SMTN: variants seen among roughly 807,000 people sequenced by gnomAD.
SMTN encodes the protein smoothelin.
In SMTN, 58 loss-of-function variants were observed where a neutral mutation model predicts 102.0. The ratio of observed to expected loss-of-function variants is 0.57; its 90% CI spans 0.46 to 0.71. SMTN has a LOEUF of 0.71. Ranked by LOEUF, SMTN falls within the 30% of genes least tolerant of loss-of-function variation. The pLI is 0.00. For missense variants in SMTN, 1,185 were observed against 1,241.7 expected (o/e 0.95, Z 0.69); for synonymous variants, 478 against 497.9 (o/e 0.96, Z 0.53).
chr22:31,091,693 G>A lies in SMTN; in HGVS notation c.1478G>A (p.Arg493Gln), dbSNP rs143097953. 1.1e-3 allele frequency: 1,824 copies of A among 1,598,686 alleles called. 14 individuals carry two copies. Among genetic ancestry groups the A allele is most frequent in the Middle Eastern group, 7.5e-3 (45 of 5,992 alleles). The change falls in exon 11 of 21, where the codon CGG becomes CAG. Residue 493 changes from arginine (R) to glutamine (Q), a missense_variant. Arg to Gln is a conservative substitution (Grantham distance 43). Transcript: ENST00000333137. Reference sequence around the variant, plus strand: ...CACTCAGAACTGACACTGGGGCTGCGGGCGCCCCCGACCCTACTCAGCACC... The same window carrying A: ...CACTCAGAACTGACACTGGGGCTGCAGGCGCCCCCGACCCTACTCAGCACC... The part of the protein sequence containing the change: ...NQRAELTLGL[R>Q]APPTLLSTSS...
chr22:31,078,176 C>A (rs2042175848), upstream of SMTN, among the ~76,000 whole-genome samples: 1 of 152,234 alleles, frequency 6.6e-6, no homozygotes, highest in Non-Finnish European at 1.5e-5. Context: ...AGAGGGCCAA[C>A]CCTTACCTAG....
rs765995428 is a variant in SMTN at position 31,091,172 on chromosome 22, TC to T, written c.1150del (p.Arg384GlyfsTer17). On this transcript the variant is annotated frameshift_variant, in exon 10 of 21. Coordinates refer to ENST00000333137, the MANE Select transcript of SMTN (RefSeq NM_134269.3). LOFTEE classifies it high-confidence loss of function. Reference protein sequence around the residue: ...PASSSSGSSSRGPSDTSSRFS... With the variant: ...PASSSSGSSSXGPSDTSSRFS... ...CCTCCTCCTCCAGCGGCTCCTCCTC[TC>T]GGGGCCCCAGTGATACCTCCTCCCG... The T allele has an allele frequency of 6.2e-7, 1 of 1,613,190 alleles. No individual in the cohort carries two copies. The highest frequency in any genetic ancestry group is 2.2e-5 in the East Asian group (1 of 44,828).
At chr22:31,069,216 G>T in intron 1 of SMTN, among the ~76,000 whole-genome samples, 1 of 152,056 alleles carries the variant, frequency 6.6e-6, no homozygotes, top group Admixed American at 6.6e-5. Flanking sequence ...GATCCTTATT[G>T]GTCCTTGGTG....
At chr22:31,094,388 T>C (rs1003994493) in intron 11 of SMTN, among the ~76,000 whole-genome samples, 3 of 152,178 alleles carry the variant, frequency 2.0e-5, no homozygotes, top group Non-Finnish European at 4.4e-5. Flanking sequence ...AGACACCTGG[T>C]CAGGAGCCTA....
Position 31,098,804 on chromosome 22 carries a change from C to A in SMTN, c.2297C>A (p.Ala766Asp). 6.2e-7 allele frequency: 1 copy of A among 1,612,422 alleles called. No homozygotes were observed. The highest frequency in any genetic ancestry group is 1.1e-5 in the South Asian group (1 of 90,976). Reference protein sequence around the residue: ...PKTSASQARKAMIEKLEKEGA... With the variant: ...PKTSASQARKDMIEKLEKEGA... ...ACCTCAGCCTCCCAGGCGCGCAAGG[C>A]CATGATTGAGAAGCTGGAGAAGGAG... Residue 766 changes from alanine to aspartate, a missense_variant, in exon 17 of 21, where the codon GCC (alanine) becomes GAC (aspartate). Coordinates refer to ENST00000333137, the MANE Select transcript of SMTN (RefSeq NM_134269.3).
intron 1 of SMTN, chr22:31,066,746 ATTTTG>A (rs2041859245): frequency 1.3e-5 from 2 of 151,878 alleles, no homozygotes; most frequent in East Asian, 3.9e-4. Context: ...AATTTTTTTT[ATTTTG>A]TTTTATTTTA....
In SMTN at chr22:31,095,257, C is replaced by T; in HGVS notation, c.1633-46C>T. On this transcript the variant is annotated intron_variant, in intron 11 of 20. Coordinates refer to ENST00000333137, the MANE Select transcript of SMTN (RefSeq NM_134269.3). This position sits in a 1 kb window ranked among gnomAD's most constrained non-coding sequence, Gnocchi z 4.1. Reference sequence around the variant, plus strand: ...TATCCATTGGAGACATGATGAGTTTCACCCATACCCCTGCTTAAAGTCCAT... The same window carrying T: ...TATCCATTGGAGACATGATGAGTTTTACCCATACCCCTGCTTAAAGTCCAT... 6.3e-7 allele frequency: 1 copy of T among 1,596,602 alleles called. No individual in the cohort carries two copies. Among genetic ancestry groups the T allele is most frequent in the South Asian group, 1.1e-5 (1 of 90,184 alleles).
rs191776923 is a variant in SMTN, at chr22:31,071,644, A to C, written c.-386+7457A>C. Among the ~76,000 whole-genome samples, 23 of 152,130 alleles carry C rather than the reference A, an allele frequency of 1.5e-4. No homozygotes were observed. In the East Asian group the frequency reaches 4.4e-3, roughly 29 times the overall value. On this transcript the variant is annotated intron_variant, in intron 1 of 3. Transcript: ENST00000422839. ...AAAATTAAAAACTTAATTAATTAAA[A>C]AAAATTCAACTGGGGAAATAGTTCT...
chr22:31,083,960 C>A (rs915146036), intron 2 of SMTN, among the ~76,000 whole-genome samples: 6 of 152,338 alleles, frequency 3.9e-5, no homozygotes, highest in Admixed American at 3.9e-4. Context: ...TCTCATTTTT[C>A]TACTCTTGAG....
chr22:31,085,598 C>T (rs979354711), intron 2 of SMTN, among the ~76,000 whole-genome samples: 1 of 152,238 alleles, frequency 6.6e-6, no homozygotes, highest in African/African-American at 2.4e-5. Flanking sequence ...TTTCGGAAAC[C>T]GCCCCATCCC....
At chr22:31,094,574 TGCCTTCAGCTCAGATCCCA>T (rs1282452261) in intron 11 of SMTN, among the ~76,000 whole-genome samples, 4 of 151,778 alleles carry the variant, frequency 2.6e-5, no homozygotes, top group African/African-American at 9.7e-5. Context: ...GGAGTTAGGC[TGCCTTCAGCTCAGATCCCA>T]GGCTGCATCA....
At chr22:31,075,112 G>A (rs977389642) in intron 1 of SMTN, among the ~76,000 whole-genome samples, 10 of 152,144 alleles carry the variant, frequency 6.6e-5, no homozygotes, top group Non-Finnish European at 1.2e-4. Context: ...CAGAAGCTAA[G>A]GTCTTAGCCT....
Position 31,095,682 on chromosome 22 carries a change from C to T in SMTN, c.1861+73C>T. 7.5e-7 allele frequency: 1 copy of T among 1,328,522 alleles called. No homozygotes were observed. The highest frequency in any genetic ancestry group is 1.1e-6 in the Non-Finnish European group (1 of 952,018). The allele number at this position is 1,328,522 out of a possible 1,614,324, so 82.3% of individuals were successfully genotyped here. ...GCTGCTCCCCTCATACTCTGGGGTC[C>T]ATTTGTGGACACCCCAGCTTAATAA... On this transcript the variant is annotated intron_variant, in intron 13 of 20. Transcript: ENST00000333137. This position sits in a 1 kb window ranked among gnomAD's most constrained non-coding sequence, Gnocchi z 4.1.
intron 16 of SMTN, 82 bp from the exon 17 acceptor site, chr22:31,098,585 C>CA: frequency 7.1e-7 from 1 of 1,414,752 alleles, no homozygotes. Context: ...CTACAAGACC[C>CA]CCCCTCCTCC....
intron 1 of SMTN, chr22:31,082,539 G>C (rs1211327555): frequency 2.0e-6 from 1 of 494,662 alleles, no homozygotes; most frequent in South Asian, 1.5e-5. Flanking sequence ...CCAGGGGTTG[G>C]GCAGGTCAGC....
chr22:31,095,826 CA>C lies in SMTN; in HGVS notation c.1861+219del. ...CGCTGGTGACCCCAGTTATTCTCCC[CA>C]ACCAGCTTCTCTTCTCCTTCCTAGA... On this transcript the variant is annotated intron_variant, in intron 13 of 20. Transcript: ENST00000333137. This position sits in a 1 kb window ranked among gnomAD's most constrained non-coding sequence, Gnocchi z 4.1. 1.7e-6 allele frequency: 1 copy of C among 589,170 alleles called. No individual in the cohort carries two copies. The highest frequency in any genetic ancestry group is 3.0e-6 in the Non-Finnish European group (1 of 331,934). The allele number at this position is 589,170 out of a possible 1,614,324, so 36.5% of individuals were successfully genotyped here. A position where few individuals can be genotyped will look rare whatever the true frequency, so the allele number is the denominator to read the frequency against.
chr22:31,090,722 G>C, intron 8 of SMTN, 86 bp from the exon 9 acceptor site: 1 of 1,067,632 alleles, frequency 9.4e-7, no homozygotes, highest in South Asian at 1.3e-5. Flanking sequence ...GAGGTGTAGA[G>C]GAGAGGATTA....
intron 11 of SMTN, chr22:31,092,656 C>T (rs1234629282): frequency 2.3e-6 from 1 of 426,516 alleles, no homozygotes; most frequent in South Asian, 1.6e-5. Flanking sequence ...CCCTTCCTTT[C>T]CAAAAAAGCA....
chr22:31,067,255 T>G (rs1053176778), intron 1 of SMTN: 2 of 151,886 alleles, frequency 1.3e-5, no homozygotes, highest in Non-Finnish European at 2.9e-5. Context: ...TTTTTTTTTT[T>G]TTTGACACGG....
Sources: allele counts gnomAD v4.1 joint callset (sites outside exome capture counted in the v4.1 genomes callset), GRCh38; gene constraint gnomAD v4.1.1; non-coding constraint Gnocchi (gnomAD v3.1); transcripts MANE v1.5; gene names NCBI Gene and HGNC (gene_info 2026-07-23, HGNC 2026-07-21).